The following ABCA8 variants were observed in gnomAD, a reference collection of about 807,000 sequenced individuals.
ABCA8 encodes ABC-type organic anion transporter ABCA8.
ABCA8 carries 177 observed loss-of-function variants against 192.3 expected under a neutral mutation model. That is an observed-to-expected ratio of 0.92 (90% CI 0.81 to 1.04). The LOEUF (loss-of-function observed/expected upper bound fraction) is 1.04. ABCA8 is among the 50% of genes least tolerant of loss of function. ABCA8 has a pLI of 0.00. For missense variants in ABCA8, 1,915 were observed against 1,904.8 expected (o/e 1.01, Z -0.10); for synonymous variants, 642 against 690.2 (o/e 0.93, Z 1.09).
intron 35 of ABCA8, chr17:68,876,212 C>A (rs1472172708): frequency 3.5e-6 from 2 of 564,102 alleles, no homozygotes; most frequent in Non-Finnish European, 6.3e-6. Context: ...CAGCTGAGCG[C>A]TTATGAAACT....
At position 68,887,356 on chromosome 17, in the gene ABCA8, T is replaced by A. The variant is rs146019279; in HGVS notation, c.3295A>T (p.Thr1099Ser). Reference protein sequence around the residue: ...YISNFEDMLLTIIHIIQIPCA... With the variant: ...YISNFEDMLLSIIHIIQIPCA... ...CTTACTTGAATAATATGAATTATTG[T>A]AAGTAGCATGTCTTCGAAGTTTGAA... Residue 1099 changes from threonine (T) to serine (S), a missense_variant, in exon 25 of 40, where the codon ACA becomes TCA. By Grantham distance (58) the Thr-to-Ser change is moderately conservative. Transcript: ENST00000586539. 1 of 1,607,844 alleles carries A rather than the reference T, an allele frequency of 6.2e-7. No individual in the cohort carries two copies. Among genetic ancestry groups the A allele is most frequent in the Non-Finnish European group, 8.5e-7 (1 of 1,176,064 alleles).
At chr17:68,933,332 T>A in intron 5 of ABCA8, 61 bp from the exon 6 acceptor site, 1 of 1,101,966 alleles carries the variant, frequency 9.1e-7, no homozygotes, top group Non-Finnish European at 1.3e-6. Flanking sequence ...TGAAATATGA[T>A]TTTAATACTG....
In ABCA8 at chr17:68,894,089, A is replaced by G. The variant is rs779625468; in HGVS notation, c.3036+84T>C. 3.1e-4 allele frequency: 456 copies of G among 1,458,068 alleles called. 2 individuals carry two copies. The highest frequency in any genetic ancestry group is 5.2e-4 in the Middle Eastern group (3 of 5,792). 90.3% of individuals were successfully genotyped at this position (1,458,068 alleles called of 1,614,324 possible). Reference sequence around the variant, plus strand: ...TATTATGCAGTGGTTTACTCAATAAAAACAAGATTCCAGCACTTAAAAGGG... The same window carrying G: ...TATTATGCAGTGGTTTACTCAATAAGAACAAGATTCCAGCACTTAAAAGGG... On this transcript the variant is annotated intron_variant, in intron 23 of 39. Transcript: ENST00000586539.
chr17:68,880,200 C>T (rs987679056), intron 32 of ABCA8: 8 of 152,424 alleles, frequency 5.2e-5, no homozygotes, highest in African/African-American at 1.9e-4. Context: ...TTCACACAGA[C>T]TTAGGGACTA....
intron 4 of ABCA8, among the ~76,000 whole-genome samples, chr17:68,939,981 A>G (rs374954286): frequency 2.0e-4 from 31 of 152,164 alleles, no homozygotes; most frequent in African/African-American, 7.2e-4. Context: ...CTCCAGACAC[A>G]TATGTATCAC....
At chr17:68,913,809 C>T (rs184763214) in intron 17 of ABCA8, among the ~76,000 whole-genome samples, 1 of 152,040 alleles carries the variant, frequency 6.6e-6, no homozygotes, top group African/African-American at 2.4e-5. Flanking sequence ...AATACCAATC[C>T]TATTCAAAAT....
chr17:68,931,978 A>T (rs9302999), intron 7 of ABCA8: 11,226 of 210,628 alleles, frequency 0.053, 1,253 homozygotes, highest in African/African-American at 0.23. Context: ...TGGGAGGCCG[A>T]GGTGGGTGGA....
rs73998580 is a variant in ABCA8 at position 68,941,109 on chromosome 17, A to G, written c.97-147T>C. ...ACTGTTTAAAGTCTGCTGAAAGTCA[A>G]TGTGTTTTAAGAGATAGTTCCAAGG... On this transcript the variant is annotated intron_variant, in intron 3 of 39. Coordinates refer to ENST00000586539, the MANE Select transcript of ABCA8 (RefSeq NM_001288985.2). The G allele has an allele frequency of 9.1e-3, 5,861 of 642,132 alleles. 266 individuals carry two copies. In the African/African-American group the frequency reaches 0.094, roughly 10 times the overall value. The allele number at this position is 642,132 out of a possible 1,614,324, so 39.8% of individuals were successfully genotyped here. A position where few individuals can be genotyped will look rare whatever the true frequency, so the allele number is the denominator to read the frequency against.
rs1261797402 is a variant in ABCA8, at chr17:68,877,585, T to C, written c.4133A>G (p.Gln1378Arg). ...NALWPNLTVRQHLEVYAAVKG... is the reference protein window; with the variant it reads ...NALWPNLTVRRHLEVYAAVKG... Reference sequence around the variant, plus strand: ...CACGGCGGCGTACACCTCCAGGTGCTGCCTCACTGTCAGGTTGGGCCACAG... The same window carrying C: ...CACGGCGGCGTACACCTCCAGGTGCCGCCTCACTGTCAGGTTGGGCCACAG... Residue 1378 changes from glutamine to arginine, a missense_variant, in exon 33 of 40, where the codon CAG becomes CGG. Physicochemically the swap from Gln to Arg is conservative, Grantham distance 43 (BLOSUM62 1). Transcript: ENST00000586539. 1.2e-6 allele frequency: 2 copies of C among 1,614,120 alleles called. No individual in the cohort carries two copies. Among genetic ancestry groups the C allele is most frequent in the Admixed American group, 1.7e-5 (1 of 60,004 alleles).
intron 14 of ABCA8, 43 bp from the exon 15 acceptor site, chr17:68,918,589 C>A: frequency 2.1e-6 from 3 of 1,440,180 alleles, no homozygotes; most frequent in Middle Eastern, 1.8e-4. Context: ...AAAATTTATT[C>A]CTTTTTTAAA....
chr17:68,910,453 G>T (rs529175549), intron 17 of ABCA8, among the ~76,000 whole-genome samples: 1 of 152,160 alleles, frequency 6.6e-6, no homozygotes, highest in South Asian at 2.1e-4. Flanking sequence ...CAGAGGGGAA[G>T]CATTCATCCC....
Position 68,877,640 on chromosome 17 carries a change from A to G in ABCA8, c.4078T>C (p.Phe1360Leu), listed in dbSNP as rs2066241439. The G allele has an allele frequency of 6.2e-7, 1 of 1,613,596 alleles. No homozygotes were observed. Among genetic ancestry groups the G allele is most frequent in the Non-Finnish European group, 8.5e-7 (1 of 1,179,742 alleles). The change falls in exon 33 of 40, where the codon TTC becomes CTC. Residue 1360 changes from phenylalanine to leucine, a missense_variant. Phe to Leu is a conservative substitution (Grantham distance 22). Transcript: ENST00000586539. ...KGSGGGDALE[F>L]LGYCPQENAL... ...TTCTCCTGAGGGCAGTACCCCAGGAACTCCAGGGCATCCCCTCCACCGCTC... is the reference window on the plus strand; with the variant it reads ...TTCTCCTGAGGGCAGTACCCCAGGAGCTCCAGGGCATCCCCTCCACCGCTC...
intron 21 of ABCA8, among the ~76,000 whole-genome samples, chr17:68,895,320 T>C (rs2066721502): frequency 6.6e-6 from 1 of 152,170 alleles, no homozygotes; most frequent in African/African-American, 2.4e-5. Flanking sequence ...TTCCATTGAT[T>C]AACCACCAAA....
rs766148856 is a variant in ABCA8 at position 68,883,793 on chromosome 17, A to G, written c.3705T>C (p.Phe1235=). 3.2e-6 allele frequency: 5 copies of G among 1,562,842 alleles called. No individual in the cohort carries two copies. The highest frequency in any genetic ancestry group is 3.5e-6 in the Non-Finnish European group (4 of 1,152,352). ...AAATCTGATGTGTTTTTTCCAACCTAAAGAAAGGATCCTTTCTCATTGATT... is the reference window on the plus strand; with the variant it reads ...AAATCTGATGTGTTTTTTCCAACCTGAAGAAAGGATCCTTTCTCATTGATT... The part of the protein sequence containing the change: ...GKKSMRKDPF[F]RISPRSSDVC... The change falls in exon 29 of 40, where the codon TTT becomes TTC. Residue 1235 remains phenylalanine (F), a splice_region_variant and synonymous_variant. Transcript: ENST00000586539.
At chr17:68,934,529 G>A (rs565932771) in intron 5 of ABCA8, among the ~76,000 whole-genome samples, 2 of 152,302 alleles carry the variant, frequency 1.3e-5, no homozygotes, top group South Asian at 2.1e-4. Context: ...GTTTGCAGAA[G>A]CAGGTGAGAA....
Position 68,919,381 on chromosome 17 carries a change from A to G in ABCA8, c.1708T>C (p.Phe570Leu). Reference sequence around the variant, plus strand: ...TTTTCTCTTACAGTGAGGAAGTCAAATTGCACATTGGATTGTGGACAAACT... The same window carrying G: ...TTTTCTCTTACAGTGAGGAAGTCAAGTTGCACATTGGATTGTGGACAAACT... ...TGVCPQSNVQ[F>L]DFLTVRENLR... The change falls in exon 14 of 40, where the codon TTT (phenylalanine) becomes CTT (leucine). Residue 570 changes from phenylalanine (F) to leucine (L), a missense_variant. Physicochemically the swap from Phe to Leu is conservative, Grantham distance 22. Coordinates refer to ENST00000586539, the MANE Select transcript of ABCA8 (RefSeq NM_001288985.2). 1.2e-6 allele frequency: 2 copies of G among 1,614,046 alleles called. No homozygotes were observed. Among genetic ancestry groups the G allele is most frequent in the South Asian group, 2.2e-5 (2 of 91,078 alleles).
At chr17:68,915,035 G>A (rs1353615402) in intron 17 of ABCA8, among the ~76,000 whole-genome samples, 2 of 151,954 alleles carry the variant, frequency 1.3e-5, no homozygotes, top group Non-Finnish European at 2.9e-5. Context: ...AATATACATT[G>A]GGGAAAGTCT....
intron 12 of ABCA8, 21 bp downstream of exon 12, chr17:68,922,221 T>TAAC: frequency 9.8e-6 from 1 of 102,248 alleles, no homozygotes; most frequent in Non-Finnish European, 1.8e-5. Flanking sequence ...TTTTTTTTTT[T>TAAC]TTTTTTTTTT....
At chr17:68,892,513 T>C (rs1021887871) in intron 23 of ABCA8, among the ~76,000 whole-genome samples, 8 of 152,168 alleles carry the variant, frequency 5.3e-5, no homozygotes, top group African/African-American at 1.7e-4. Flanking sequence ...AGTGACTATA[T>C]TGGGCACATA....
Sources: allele counts gnomAD v4.1 joint callset (sites outside exome capture counted in the v4.1 genomes callset), GRCh38; gene constraint gnomAD v4.1.1; transcripts MANE v1.5; gene names NCBI Gene and HGNC (gene_info 2026-07-23, HGNC 2026-07-21).